CA10: variants seen among roughly 807,000 people sequenced by gnomAD.
The protein encoded by CA10 is carbonic anhydrase-related protein 10.
Under a neutral mutation model 44.2 loss-of-function variants are expected in CA10, and 14 were observed. The observed-to-expected ratio is 0.32, with a 90% CI of 0.21 to 0.50. CA10 has a LOEUF of 0.50. Ranked by LOEUF, CA10 falls within the 20% of genes least tolerant of loss-of-function variation. CA10 has a pLI of 0.99. For synonymous variants in CA10, 159 were observed against 141.6 expected (o/e 1.12, Z -0.87); for missense variants, 350 against 409.7 (o/e 0.85, Z 1.26).
chr17:51,750,437 A>G (rs560142896), intron 3 of CA10, among the ~76,000 whole-genome samples: 93 of 152,350 alleles, frequency 6.1e-4, no homozygotes, highest in African/African-American at 2.2e-3. Flanking sequence ...ATCACTTTGA[A>G]ATATCTACAT....
chr17:51,709,557 T>C (rs961700060), intron 4 of CA10, among the ~76,000 whole-genome samples: 3 of 152,136 alleles, frequency 2.0e-5, no homozygotes, highest in African/African-American at 7.2e-5. Flanking sequence ...CCTCCAGAGG[T>C]GGAAATTTAA....
At chr17:51,816,715 T>C (rs1478888650) in intron 3 of CA10, among the ~76,000 whole-genome samples, 2 of 152,244 alleles carry the variant, frequency 1.3e-5, no homozygotes, top group Non-Finnish European at 2.9e-5. Flanking sequence ...TGAAAGATCT[T>C]GTTTTATAAT....
chr17:52,072,650 C>T (rs1056465046), intron 1 of CA10, among the ~76,000 whole-genome samples: 1 of 148,130 alleles, frequency 6.8e-6, no homozygotes, highest in African/African-American at 2.5e-5. Context: ...TTTAAGTCCC[C>T]TGCTACCTGT....
At chr17:52,024,728 G>A (rs1986246489) in intron 2 of CA10, among the ~76,000 whole-genome samples, 1 of 152,010 alleles carries the variant, frequency 6.6e-6, no homozygotes, top group African/African-American at 2.4e-5. Context: ...TTCTTAAAAT[G>A]ATAATCATGA....
chr17:51,829,441 C>T (rs1159509902), intron 3 of CA10, among the ~76,000 whole-genome samples: 1 of 152,158 alleles, frequency 6.6e-6, no homozygotes, highest in Non-Finnish European at 1.5e-5. Flanking sequence ...CCTGTGACAT[C>T]TTGCAAAGAC....
chr17:51,677,475 C>T (rs1356842437), intron 4 of CA10, among the ~76,000 whole-genome samples: 2 of 152,280 alleles, frequency 1.3e-5, no homozygotes, highest in East Asian at 3.9e-4. Context: ...GCAGATGCTG[C>T]CATGCTTCCT....
At chr17:51,636,103 T>C in intron 6 of CA10, 94 bp from the exon 7 acceptor site, 1 of 636,926 alleles carries the variant, frequency 1.6e-6, no homozygotes, top group Non-Finnish European at 2.6e-6. Flanking sequence ...TACATATACA[T>C]ATACATACAT....
intron 4 of CA10, among the ~76,000 whole-genome samples, chr17:51,680,178 C>T (rs1914795077): frequency 6.6e-6 from 1 of 152,148 alleles, no homozygotes; most frequent in Non-Finnish European, 1.5e-5. Context: ...CAGTTGTATT[C>T]ATCAGGGAAG....
At chr17:52,003,777 C>T (rs1985508460) in intron 2 of CA10, among the ~76,000 whole-genome samples, 1 of 151,862 alleles carries the variant, frequency 6.6e-6, no homozygotes, top group African/African-American at 2.4e-5. Context: ...AAAGAGACCT[C>T]CCACCTGTCC....
At chr17:51,986,765 A>G (rs963767486) in intron 2 of CA10, among the ~76,000 whole-genome samples, 2 of 152,104 alleles carry the variant, frequency 1.3e-5, no homozygotes, top group African/African-American at 4.8e-5. Flanking sequence ...AATACTTAAC[A>G]TGACTAATGA....
intron 2 of CA10, among the ~76,000 whole-genome samples, chr17:51,976,251 G>A (rs1341440373): frequency 6.6e-6 from 1 of 152,118 alleles, no homozygotes. Context: ...TGGAAGAAAT[G>A]AACAAAAGTC....
intron 2 of CA10, among the ~76,000 whole-genome samples, chr17:52,046,895 C>G (rs1460668425): frequency 1.3e-5 from 2 of 151,882 alleles, no homozygotes; most frequent in African/African-American, 4.8e-5. Flanking sequence ...AAAAACAAAT[C>G]ATTAATTCAC....
chr17:51,865,052 C>T (rs1395766527), intron 3 of CA10, among the ~76,000 whole-genome samples: 2 of 152,130 alleles, frequency 1.3e-5, no homozygotes, highest in African/African-American at 4.8e-5. Flanking sequence ...TGGGGACAGG[C>T]AGAATGGACT....
At chr17:52,141,002 T>C (rs1007397008) in intron 1 of CA10, among the ~76,000 whole-genome samples, 1 of 152,194 alleles carries the variant, frequency 6.6e-6, no homozygotes, top group Non-Finnish European at 1.5e-5. Context: ...AAATTGCTTG[T>C]TCTCCAGGTG....
intron 2 of CA10, among the ~76,000 whole-genome samples, chr17:52,021,718 T>C (rs1986145875): frequency 6.6e-6 from 1 of 151,998 alleles, no homozygotes; most frequent in South Asian, 2.1e-4. Context: ...ACAACAAAGA[T>C]GACATTACAA....
chr17:51,988,118 A>G (rs1018696568), intron 2 of CA10, among the ~76,000 whole-genome samples: 4 of 152,084 alleles, frequency 2.6e-5, no homozygotes, highest in African/African-American at 9.6e-5. Context: ...AGAAACTTGC[A>G]CTACCTGTGA....
intron 4 of CA10, among the ~76,000 whole-genome samples, chr17:51,694,951 C>G (rs1915349597): frequency 1.3e-5 from 2 of 152,106 alleles, no homozygotes. Flanking sequence ...CACTTTGTTG[C>G]ATATCAGTTA....
At position 51,752,627 on chromosome 17, in the gene CA10, T is replaced by TA. The variant is rs200009654; in HGVS notation, c.280-4810dup. Among the ~76,000 whole-genome samples, 28 of 151,208 alleles carry TA rather than the reference T, an allele frequency of 1.9e-4. No homozygotes were observed. In the South Asian group the frequency reaches 2.9e-3, roughly 16 times the overall value. ...GCAAGTGTCCTTGCTCATTTCAGAT[T>TA]AAAAAAAAATACTTTGGGGGGCCAG... On this transcript the variant is annotated intron_variant, in intron 3 of 8. Coordinates refer to ENST00000451037, the MANE Select transcript of CA10 (RefSeq NM_020178.5).
At chr17:51,950,715 G>A (rs1354659475) in intron 2 of CA10, among the ~76,000 whole-genome samples, 4 of 151,886 alleles carry the variant, frequency 2.6e-5, no homozygotes, top group Non-Finnish European at 4.4e-5. Context: ...ATAGCTTTTC[G>A]TGCACTCTCC....
Sources: allele counts gnomAD v4.1 joint callset (sites outside exome capture counted in the v4.1 genomes callset), GRCh38; gene constraint gnomAD v4.1.1; transcripts MANE v1.5; gene names NCBI Gene and HGNC (gene_info 2026-07-23, HGNC 2026-07-21).